Variants in KLHL10 observed in about 807,000 individuals in gnomAD.
KLHL10 encodes the protein kelch like family member 10, also known as kelch-like protein 10.
In KLHL10, 11 loss-of-function variants were observed where a neutral mutation model predicts 46.6. That is an observed-to-expected ratio of 0.24 (90% CI 0.15 to 0.39). The LOEUF is 0.39. KLHL10 is among the 10% of genes least tolerant of loss of function. KLHL10 has a pLI of 1.00. For missense variants in KLHL10, 475 were observed against 789.8 expected (o/e 0.60, Z 4.78); for synonymous variants, 254 against 279.1 (o/e 0.91, Z 0.90).
chr17:41,841,640 C>T (rs1450687770), intron 1 of KLHL10, 183 bp from the exon 2 acceptor site: 2 of 672,986 alleles, frequency 3.0e-6, no homozygotes, highest in Non-Finnish European at 5.1e-6. Context: ...ACTCTCAGTT[C>T]TAGATCTTAA....
upstream of KLHL10, chr17:41,836,047 G>A: frequency 7.1e-7 from 1 of 1,413,544 alleles, no homozygotes. Flanking sequence ...GTGTGAGGCG[G>A]GGCCGGGGTG....
In KLHL10 at chr17:41,848,361, T is replaced by TAAAAAAAA; in HGVS notation, c.*61_*62insAAAAAAAA. 1 of 1,567,376 alleles carries TAAAAAAAA rather than the reference T, an allele frequency of 6.4e-7. No individual in the cohort carries two copies. Among genetic ancestry groups the TAAAAAAAA allele is most frequent in the Non-Finnish European group, 8.6e-7 (1 of 1,159,004 alleles). On this transcript the variant is annotated 3_prime_UTR_variant, in exon 5 of 5. Coordinates refer to ENST00000293303, the MANE Select transcript of KLHL10 (RefSeq NM_152467.5). ...AAGCAATAAGAATTAATTCTTTTTTTAAAAAAATGCAGTGTTTAAACTTTG... is the reference window on the plus strand; with the variant it reads ...AAGCAATAAGAATTAATTCTTTTTTTAAAAAAAAAAAAAAATGCAGTGTTTAAACTTTG...
At chr17:41,846,648 A>G (rs781896470) in intron 3 of KLHL10, among the ~76,000 whole-genome samples, 16 of 152,118 alleles carry the variant, frequency 1.1e-4, no homozygotes, top group Middle Eastern at 3.4e-3. Flanking sequence ...GGAGTTTGAG[A>G]CCAACCTGGC....
chr17:41,835,834 C>A, upstream of KLHL10: 3 of 1,586,758 alleles, frequency 1.9e-6, no homozygotes, highest in Non-Finnish European at 2.6e-6. Flanking sequence ...CCAGCCCGGC[C>A]GGCCCCCGCA....
At chr17:41,839,626 A>G (rs1480029914) in intron 1 of KLHL10, among the ~76,000 whole-genome samples, 2 of 152,250 alleles carry the variant, frequency 1.3e-5, no homozygotes, top group Non-Finnish European at 2.9e-5. Context: ...TGAGTAATCA[A>G]TTCCAATGAA....
chr17:41,844,756 T>C (rs8068544), intron 2 of KLHL10, among the ~76,000 whole-genome samples: 137,336 of 152,080 alleles, frequency 0.9, 62,155 homozygotes, highest in East Asian at 1. Context: ...GCCATGTCGG[T>C]TAGCCTGGTC....
At chr17:41,838,811 C>T (rs1230595377) in intron 1 of KLHL10, among the ~76,000 whole-genome samples, 2 of 151,800 alleles carry the variant, frequency 1.3e-5, no homozygotes, top group African/African-American at 4.8e-5. Flanking sequence ...ACCTCAGCCT[C>T]TCAAGTAGCT....
Position 41,846,713 on chromosome 17 carries a change from G to A in KLHL10, c.1303-548G>A, listed in dbSNP as rs1182317955. 2.0e-5 allele frequency among the ~76,000 whole-genome samples: 3 copies of A among 152,036 alleles called. No homozygotes were observed. The East Asian group carries it at 5.8e-4, about 29-fold the overall frequency. On this transcript the variant is annotated intron_variant, in intron 3 of 4. Transcript: ENST00000293303. ...AATACAAAAATTAGCCAGGCACAGT[G>A]GCACACACCTGTAATTTCAGCTACT...
chr17:41,835,811 T>C (rs2048142028), upstream of KLHL10: 1 of 1,531,882 alleles, frequency 6.5e-7, no homozygotes, highest in Non-Finnish European at 8.9e-7. Flanking sequence ...GCAGGAAGCC[T>C]CTCCAGCCGC....
intron 1 of KLHL10, among the ~76,000 whole-genome samples, chr17:41,838,422 C>T (rs761035436): frequency 1.6e-4 from 24 of 152,168 alleles, no homozygotes; most frequent in Non-Finnish European, 2.5e-4. Flanking sequence ...CTGCTACGTC[C>T]GGCTACTTTT....
rs782045864 is a variant in KLHL10 at position 41,842,054 on chromosome 17, C to T, written c.426C>T (p.Ile142=). Residue 142 remains isoleucine (I), a synonymous_variant, in exon 2 of 5, where the codon ATC becomes ATT. Transcript: ENST00000293303. ...CAGAGCTGTGCTTGGATAATTGTATCGGCATCTGTAAGTTCACGGACTACT... is the reference window on the plus strand; with the variant it reads ...CAGAGCTGTGCTTGGATAATTGTATTGGCATCTGTAAGTTCACGGACTACT... ...LKSELCLDNC[I]GICKFTDYYY... is the part of the protein sequence containing the mutation. 6.2e-6 allele frequency: 10 copies of T among 1,613,974 alleles called. No homozygotes were observed. The highest frequency in any genetic ancestry group is 1.3e-5 in the African/African-American group (1 of 74,886).
intron 1 of KLHL10, 75 bp downstream of exon 1, chr17:41,838,201 T>A: frequency 8.1e-7 from 1 of 1,238,244 alleles, no homozygotes; most frequent in East Asian, 2.3e-5. Flanking sequence ...ATTTTCTGTT[T>A]CCCACCCCAT....
chr17:41,842,769 C>T (rs1292031935), intron 2 of KLHL10, among the ~76,000 whole-genome samples: 1 of 151,908 alleles, frequency 6.6e-6, no homozygotes, highest in Non-Finnish European at 1.5e-5. Flanking sequence ...GAAACCCCAT[C>T]TCTGCTAAAA....
Position 41,847,988 on chromosome 17 carries a change from T to C in KLHL10, c.1508T>C (p.Val503Ala), listed in dbSNP as rs781910328. 6.2e-7 allele frequency: 1 copy of C among 1,614,212 alleles called. No homozygotes were observed. The highest frequency in any genetic ancestry group is 1.7e-5 in the Admixed American group (1 of 60,020). The part of the protein sequence containing the change: ...RLRSAEAYSP[V>A]ANTWRTIPTM... ...AGGAGTGCCGAAGCCTACAGCCCTGTGGCTAACACTTGGCGCACAATCCCC... is the reference window on the plus strand; with the variant it reads ...AGGAGTGCCGAAGCCTACAGCCCTGCGGCTAACACTTGGCGCACAATCCCC... Residue 503 changes from valine (V) to alanine (A), a missense_variant, in exon 5 of 5, where the codon GTG (valine) becomes GCG (alanine). Physicochemically the swap from Val to Ala is moderately conservative, Grantham distance 64. Coordinates refer to ENST00000293303, the MANE Select transcript of KLHL10 (RefSeq NM_152467.5).
At position 41,845,176 on chromosome 17, in the gene KLHL10, G is replaced by A; in HGVS notation, c.735G>A (p.Met245Ile). The change falls in exon 3 of 5, where the codon ATG (methionine) becomes ATA (isoleucine). Residue 245 changes from methionine (M) to isoleucine (I), a missense_variant. Transcript: ENST00000293303. Reference sequence around the variant, plus strand: ...AGTACTTCATGAACAATGTTAAGATGAATGACTATGTCAAAGACAGTGAGG... The same window carrying A: ...AGTACTTCATGAACAATGTTAAGATAAATGACTATGTCAAAGACAGTGAGG... ...HAEYFMNNVK[M>I]NDYVKDSEEC... 1.2e-6 allele frequency: 2 copies of A among 1,614,198 alleles called. No homozygotes were observed. Among genetic ancestry groups the A allele is most frequent in the East Asian group, 2.2e-5 (1 of 44,880 alleles).
chr17:41,837,609 T>A (rs2048178541), upstream of KLHL10: 1 of 1,110,316 alleles, frequency 9.0e-7, no homozygotes, highest in African/African-American at 1.6e-5. Context: ...GGAGCTGGAA[T>A]CAATAAACAC....
chr17:41,835,975 A>G (rs920616632), upstream of KLHL10: 16 of 1,563,226 alleles, frequency 1.0e-5, no homozygotes, highest in African/African-American at 2.7e-5. Context: ...GAGACCCGAG[A>G]GAACCACTGA....
Position 41,837,994 on chromosome 17 carries a change from T to C in KLHL10, c.62T>C (p.Met21Thr), listed in dbSNP as rs1422023926. Reference sequence around the variant, plus strand: ...CACCAGCCTCACATGGAGAGGAAGATGAGTGCGATGGCCTGTGAGATCTTC... The same window carrying C: ...CACCAGCCTCACATGGAGAGGAAGACGAGTGCGATGGCCTGTGAGATCTTC... ...RFHQPHMERK[M>T]SAMACEIFNE... The change falls in exon 1 of 5, where the codon ATG (methionine) becomes ACG (threonine). Residue 21 changes from methionine (M) to threonine (T), a missense_variant. Physicochemically the swap from Met to Thr is moderately conservative, Grantham distance 81. Transcript: ENST00000293303. 3.1e-6 allele frequency: 5 copies of C among 1,613,478 alleles called. No homozygotes were observed. The highest frequency in any genetic ancestry group is 1.7e-5 in the Admixed American group (1 of 59,966).
chr17:41,848,113 G>C lies in KLHL10; in HGVS notation c.1633G>C (p.Glu545Gln). 1 of 1,614,110 alleles carries C rather than the reference G, an allele frequency of 6.2e-7. No individual in the cohort carries two copies. The highest frequency in any genetic ancestry group is 8.5e-7 in the Non-Finnish European group (1 of 1,180,030). The change falls in exon 5 of 5, where the codon GAG becomes CAG. Residue 545 changes from glutamate to glutamine, a missense_variant. Coordinates refer to ENST00000293303, the MANE Select transcript of KLHL10 (RefSeq NM_152467.5). ...FNGFTTTFNVECYDEKTDEWY... is the reference protein window; with the variant it reads ...FNGFTTTFNVQCYDEKTDEWY... ...TGGTTTTACCACCACCTTTAATGTT[G>C]AGTGCTATGATGAAAAGACCGATGA... is the stretch of plus-strand genomic sequence containing the variant.
Sources: allele counts gnomAD v4.1 joint callset (sites outside exome capture counted in the v4.1 genomes callset), GRCh38; gene constraint gnomAD v4.1.1; transcripts MANE v1.5; gene names NCBI Gene and HGNC (gene_info 2026-07-23, HGNC 2026-07-21).